Variants in PABPC4L observed in about 807,000 individuals in gnomAD.
PABPC4L encodes polyadenylate-binding protein 4-like.
For missense variants in PABPC4L, 452 were observed against 451.4 expected (o/e 1.00, Z -0.01); for synonymous variants, 169 against 164.1 (o/e 1.03, Z -0.23).
At chr4:134,055,057 G>A in the PABPC4L span, among the ~76,000 whole-genome samples, 1 of 151,946 alleles carries the variant, frequency 6.6e-6, no homozygotes, top group Non-Finnish European at 1.5e-5. Flanking sequence ...ATATATCATT[G>A]TGGCTTTAAT....
the PABPC4L span, among the ~76,000 whole-genome samples, chr4:134,042,963 T>C: frequency 6.6e-6 from 1 of 152,160 alleles, no homozygotes; most frequent in African/African-American, 2.4e-5. Context: ...CTTTCAATCA[T>C]CAGTCCCAAA....
At chr4:134,029,417 G>T in the PABPC4L span, among the ~76,000 whole-genome samples, 1 of 151,916 alleles carries the variant, frequency 6.6e-6, no homozygotes, top group Non-Finnish European at 1.5e-5. Context: ...GAAATTTAGG[G>T]TGAGCTAAGT....
the PABPC4L span, among the ~76,000 whole-genome samples, chr4:134,095,255 G>A: frequency 6.6e-6 from 1 of 151,812 alleles, no homozygotes; most frequent in African/African-American, 2.4e-5. Context: ...AAGTACAAAA[G>A]ACAACAATTC....
chr4:134,198,466 G>C lies in PABPC4L; in HGVS notation c.*1441C>G, dbSNP rs1349723282. Reference sequence around the variant, plus strand: ...TTTCTCATTCATAAGCTGAGGTATTGCCAAAAAATATTTTACTATTTCTTT... The same window carrying C: ...TTTCTCATTCATAAGCTGAGGTATTCCCAAAAAATATTTTACTATTTCTTT... On this transcript the variant is annotated 3_prime_UTR_variant, in exon 2 of 2. Transcript: ENST00000421491. 1 of 151,414 alleles carries C rather than the reference G, an allele frequency of 6.6e-6. No homozygotes were observed. The allele number at this position is 151,414 out of a possible 1,614,324, so 9.4% of individuals were successfully genotyped here.
chr4:134,161,613 A>T, the PABPC4L span, among the ~76,000 whole-genome samples: 1 of 152,232 alleles, frequency 6.6e-6, no homozygotes. Context: ...TCTACCAGAC[A>T]AACAAAAGCT....
chr4:134,178,609 G>A, the PABPC4L span, among the ~76,000 whole-genome samples: 2 of 152,128 alleles, frequency 1.3e-5, no homozygotes, highest in South Asian at 4.2e-4. Context: ...TCAACTTACA[G>A]GAGATAGTTG....
At chr4:134,059,428 GTATA>G in the PABPC4L span, among the ~76,000 whole-genome samples, 1 of 149,170 alleles carries the variant, frequency 6.7e-6, no homozygotes, top group Non-Finnish European at 1.5e-5. Context: ...TATATAGTGT[GTATA>G]TATGTATATA....
the PABPC4L span, among the ~76,000 whole-genome samples, chr4:133,998,983 G>A: frequency 1.3e-5 from 2 of 151,744 alleles, no homozygotes; most frequent in African/African-American, 4.8e-5. Flanking sequence ...TCATTTTAGA[G>A]GTGTCCACCC....
At chr4:134,052,411 A>C in the PABPC4L span, among the ~76,000 whole-genome samples, 1 of 152,004 alleles carries the variant, frequency 6.6e-6, no homozygotes, top group Admixed American at 6.6e-5. Flanking sequence ...TTACTCTCAA[A>C]ATTGATCTGG....
the PABPC4L span, among the ~76,000 whole-genome samples, chr4:134,027,408 G>A: frequency 6.6e-6 from 1 of 152,186 alleles, no homozygotes; most frequent in East Asian, 1.9e-4. Flanking sequence ...AAGTAAAGAA[G>A]CCACGTTGTT....
At chr4:134,026,911 G>T in the PABPC4L span, among the ~76,000 whole-genome samples, 1 of 151,968 alleles carries the variant, frequency 6.6e-6, no homozygotes, top group African/African-American at 2.4e-5. Context: ...CTTCCTCATG[G>T]CTCTGAATCT....
the PABPC4L span, among the ~76,000 whole-genome samples, chr4:133,998,628 T>C: frequency 2.0e-5 from 3 of 152,044 alleles, no homozygotes; most frequent in African/African-American, 7.2e-5. Context: ...TGAACCCTTT[T>C]TTTAATCATT....
chr4:133,992,555 A>G, the PABPC4L span, among the ~76,000 whole-genome samples: 1 of 152,110 alleles, frequency 6.6e-6, no homozygotes, highest in Non-Finnish European at 1.5e-5. Flanking sequence ...GAGGGACCCC[A>G]TTGAGAGTAA....
the PABPC4L span, among the ~76,000 whole-genome samples, chr4:134,119,361 T>C: frequency 3.3e-5 from 5 of 151,762 alleles, no homozygotes; most frequent in Non-Finnish European, 7.4e-5. Flanking sequence ...GTAGATATGA[T>C]CTTCTTGCTC....
the PABPC4L span, among the ~76,000 whole-genome samples, chr4:134,046,906 C>T: frequency 5.9e-4 from 90 of 152,276 alleles, no homozygotes; most frequent in African/African-American, 2.0e-3. Flanking sequence ...TTTCTTAGTA[C>T]AGATCAAAAT....
chr4:134,071,307 TAC>T, the PABPC4L span, among the ~76,000 whole-genome samples: 5 of 152,190 alleles, frequency 3.3e-5, no homozygotes, highest in Non-Finnish European at 7.4e-5. Flanking sequence ...CCTCTGAAGA[TAC>T]ACTCTGAGTG....
the PABPC4L span, among the ~76,000 whole-genome samples, chr4:134,183,148 T>C: frequency 1.3e-5 from 2 of 151,614 alleles, no homozygotes; most frequent in East Asian, 3.9e-4. Context: ...ACAAAGACAA[T>C]AGCATGCAAA....
At chr4:134,171,448 C>G in the PABPC4L span, among the ~76,000 whole-genome samples, 1 of 152,128 alleles carries the variant, frequency 6.6e-6, no homozygotes, top group Non-Finnish European at 1.5e-5. Flanking sequence ...TGTTCATGTA[C>G]TTTGCCCACT....
the PABPC4L span, among the ~76,000 whole-genome samples, chr4:134,134,069 A>G: frequency 6.6e-6 from 1 of 152,070 alleles, no homozygotes; most frequent in East Asian, 1.9e-4. Context: ...AAATTTCAAC[A>G]ATATAAAAGT....
Sources: allele counts gnomAD v4.1 joint callset (sites outside exome capture counted in the v4.1 genomes callset), GRCh38; gene constraint gnomAD v4.1.1; transcripts MANE v1.5; gene names NCBI Gene and HGNC (gene_info 2026-07-23, HGNC 2026-07-21).